Variants in NOS1AP observed in about 807,000 individuals in gnomAD.
NOS1AP encodes nitric oxide synthase 1 adaptor protein, also known as carboxyl-terminal PDZ ligand of neuronal nitric oxide synthase protein.
In NOS1AP, 21 loss-of-function variants were observed where a neutral mutation model predicts 56.2. The observed-to-expected ratio is 0.37, with a 90% CI of 0.26 to 0.54. The LOEUF (loss-of-function observed/expected upper bound fraction) is 0.54. NOS1AP is among the 20% of genes least tolerant of loss of function. The pLI, the probability that NOS1AP is intolerant of heterozygous loss-of-function variation, is 0.84. For synonymous variants in NOS1AP, 270 were observed against 274.6 expected (o/e 0.98, Z 0.17); for missense variants, 522 against 657.8 (o/e 0.79, Z 2.26).
intron 2 of NOS1AP, among the ~76,000 whole-genome samples, chr1:162,284,463 T>C (rs1655032304): frequency 6.6e-6 from 1 of 152,218 alleles, no homozygotes; most frequent in African/African-American, 2.4e-5. Context: ...GCCTATTTCC[T>C]GCCTCTCTTG....
intron 6 of NOS1AP, among the ~76,000 whole-genome samples, chr1:162,344,570 G>C (rs1251595166): frequency 6.6e-6 from 1 of 152,068 alleles, no homozygotes; most frequent in African/African-American, 2.4e-5. Flanking sequence ...AATTAGCCAG[G>C]CGTGGTGGTA....
intron 2 of NOS1AP, among the ~76,000 whole-genome samples, chr1:162,160,414 A>T (rs944773349): frequency 3.3e-5 from 5 of 152,208 alleles, no homozygotes; most frequent in African/African-American, 1.2e-4. Flanking sequence ...ATGGCCTTGG[A>T]TGCTCTCTTG....
chr1:162,125,168 C>G (rs1648430946), intron 1 of NOS1AP, among the ~76,000 whole-genome samples: 1 of 140,052 alleles, frequency 7.1e-6, no homozygotes, highest in Admixed American at 6.9e-5. Flanking sequence ...GAGTCTCACA[C>G]TCTCACCTGG....
chr1:162,165,925 C>T (rs1188245298), intron 2 of NOS1AP, among the ~76,000 whole-genome samples: 1 of 152,198 alleles, frequency 6.6e-6, no homozygotes, highest in African/African-American at 2.4e-5. Context: ...ATCATTTCTG[C>T]AGTCTCTCCT....
chr1:162,322,261 G>A (rs1267642531), intron 4 of NOS1AP, among the ~76,000 whole-genome samples: 1 of 152,170 alleles, frequency 6.6e-6, no homozygotes, highest in Non-Finnish European at 1.5e-5. Context: ...CTGGGAGGAA[G>A]TGCCTTCAGG....
intron 1 of NOS1AP, among the ~76,000 whole-genome samples, chr1:162,096,944 A>G (rs1692257960): frequency 6.6e-6 from 1 of 152,180 alleles, no homozygotes; most frequent in Non-Finnish European, 1.5e-5. Flanking sequence ...GTTAGATTAT[A>G]TATCTAATTG....
At chr1:162,299,895 C>T (rs1036756964) in intron 3 of NOS1AP, among the ~76,000 whole-genome samples, 1 of 152,244 alleles carries the variant, frequency 6.6e-6, no homozygotes, top group African/African-American at 2.4e-5. Flanking sequence ...GCTTAACAAC[C>T]TCCAAAGCCC....
intron 2 of NOS1AP, among the ~76,000 whole-genome samples, chr1:162,268,257 GAA>G (rs757606072): frequency 6.1e-5 from 8 of 131,418 alleles, no homozygotes; most frequent in Admixed American, 7.7e-5. Context: ...CTGTCTATAG[GAA>G]AAAAAAAAAA....
intron 2 of NOS1AP, among the ~76,000 whole-genome samples, chr1:162,255,224 A>G (rs189567502): frequency 7.2e-5 from 11 of 152,284 alleles, no homozygotes; most frequent in Middle Eastern, 3.4e-3. Context: ...GGTGGCTCCT[A>G]GAGTTTGTTT....
rs3751286 is a variant in NOS1AP at position 162,343,595 on chromosome 1, T to A, written c.454-240T>A. Among the ~76,000 whole-genome samples the A allele has an allele frequency of 0.07, 10,628 of 152,318 alleles. 542 individuals carry two copies. Among genetic ancestry groups the A allele is most frequent in the South Asian group, 0.15 (743 of 4,832 alleles). On this transcript the variant is annotated intron_variant, in intron 5 of 9. Coordinates refer to ENST00000361897, the MANE Select transcript of NOS1AP (RefSeq NM_014697.3). Reference sequence around the variant, plus strand: ...ATGGGAGGGAAGAATTGGGGCTAAGTCCATAACTGGCATATTTGCTATCTG... The same window carrying A: ...ATGGGAGGGAAGAATTGGGGCTAAGACCATAACTGGCATATTTGCTATCTG...
intron 3 of NOS1AP, among the ~76,000 whole-genome samples, 191 bp downstream of exon 3, chr1:162,287,627 A>G (rs1246931316): frequency 6.6e-6 from 1 of 152,034 alleles, no homozygotes; most frequent in African/African-American, 2.4e-5. Context: ...AGGCCTAGTC[A>G]CCAGTTGGCT....
chr1:162,301,735 C>T (rs907064143), intron 4 of NOS1AP, among the ~76,000 whole-genome samples: 1 of 152,184 alleles, frequency 6.6e-6, no homozygotes, highest in African/African-American at 2.4e-5. Context: ...CTGTTTTCCT[C>T]ATTGGGAGAA....
At chr1:162,344,707 T>C (rs1657221710) in intron 6 of NOS1AP, among the ~76,000 whole-genome samples, 1 of 92,248 alleles carries the variant, frequency 1.1e-5, no homozygotes, top group African/African-American at 4.3e-5. Flanking sequence ...CTAGGCTGCC[T>C]CAAAAAAAAA....
rs1320419000 is a variant in NOS1AP, at chr1:162,365,094, G to A, written c.940-310G>A. The A allele has an allele frequency of 3.4e-5, 44 of 1,282,178 alleles. No homozygotes were observed. In the East Asian group the frequency reaches 1.1e-3, roughly 31 times the overall value. 79.4% of individuals were successfully genotyped at this position (1,282,178 alleles called of 1,614,324 possible). A position where few individuals can be genotyped will look rare whatever the true frequency, so the allele number is the denominator to read the frequency against. ...TGTATATGTGCACGTGTGTGTGTAC[G>A]TGTGTGTGTGTGGCAGGTCTAGAGG... On this transcript the variant is annotated intron_variant, in intron 8 of 9. Transcript: ENST00000361897.
intron 2 of NOS1AP, among the ~76,000 whole-genome samples, chr1:162,245,475 C>T (rs1653632140): frequency 6.6e-6 from 1 of 152,180 alleles, no homozygotes; most frequent in African/African-American, 2.4e-5. Context: ...TTGGTAATGT[C>T]TTAAAATGTT....
rs1292645517 is a variant in NOS1AP, at chr1:162,365,541, G to A, written c.1077G>A (p.Leu359=). The change falls in exon 9 of 10, where the codon CTG becomes CTA. Residue 359 remains leucine, a synonymous_variant. Transcript: ENST00000361897. ...TGCTGGTCAAGCAGGTGCAAGAGCT[G>A]GAACTGAAGCTGTCAGGACAGAACG... ...ISLLVKQVQE[L]ELKLSGQNAM... is the part of the protein sequence containing the mutation. 1 of 1,612,960 alleles carries A rather than the reference G, an allele frequency of 6.2e-7. No individual in the cohort carries two copies. Among genetic ancestry groups the A allele is most frequent in the South Asian group, 1.1e-5 (1 of 91,066 alleles).
intron 1 of NOS1AP, among the ~76,000 whole-genome samples, chr1:162,098,046 T>A (rs1219151712): frequency 2.6e-5 from 4 of 151,626 alleles, no homozygotes; most frequent in Non-Finnish European, 5.9e-5. Flanking sequence ...TTTATTTAGG[T>A]CTTCATTAAT....
chr1:162,280,852 G>C lies in NOS1AP; in HGVS notation c.178-6492G>C, dbSNP rs374048027. Among the ~76,000 whole-genome samples the C allele has an allele frequency of 1.7e-4, 26 of 152,232 alleles. No homozygotes were observed. The South Asian group carries it at 5.4e-3, about 32-fold the overall frequency. ...TCCAAGACTCCTCATAGATATTCTG[G>C]AATTTAGATTCATTTCAAACTTTGG... is the stretch of plus-strand genomic sequence containing the variant. On this transcript the variant is annotated intron_variant, in intron 2 of 9. Transcript: ENST00000361897.
chr1:162,218,688 C>T (rs534166259), intron 2 of NOS1AP, among the ~76,000 whole-genome samples: 14 of 152,256 alleles, frequency 9.2e-5, no homozygotes, highest in Admixed American at 9.2e-4. Context: ...CCCCAGAGTC[C>T]AGGCTTTTGC....
Sources: allele counts gnomAD v4.1 joint callset (sites outside exome capture counted in the v4.1 genomes callset), GRCh38; gene constraint gnomAD v4.1.1; transcripts MANE v1.5; gene names NCBI Gene and HGNC (gene_info 2026-07-23, HGNC 2026-07-21).